Variants in B3GALT1 observed in about 807,000 individuals in gnomAD.
The protein encoded by B3GALT1 is UDP-Gal:betaGlcNAc beta 1,3-galactosyltransferase, polypeptide 1.
In B3GALT1, 10 loss-of-function variants were observed where a neutral mutation model predicts 23.2. The ratio of observed to expected loss-of-function variants is 0.43; its 90% CI spans 0.27 to 0.73. B3GALT1 has a LOEUF of 0.73. Among genes scored for constraint, B3GALT1 ranks in the 30% least tolerant of loss-of-function variants. B3GALT1 has a pLI of 0.21. For missense variants in B3GALT1, 299 were observed against 405.4 expected, an observed-to-expected ratio of 0.74 and a Z score of 2.25; for synonymous variants, 156 against 141.5, an observed-to-expected ratio of 1.10 and a Z score of -0.73.
At chr2:167,312,270 A>T (rs1696643214) in intron 1 of B3GALT1, among the ~76,000 whole-genome samples, 1 of 152,058 alleles carries the variant, frequency 6.6e-6, no homozygotes, top group Non-Finnish European at 1.5e-5. Context: ...ATTTGGTTTC[A>T]TAAAATAATA....
In B3GALT1 at chr2:167,842,532, T is replaced by C. The variant is rs148335443; in HGVS notation, c.-230+23739T>C. ...CACCTAGATTGCTAATAAGTTGTATTAAATATTTAACTGTATGTATAATTT... is the reference window on the plus strand; with the variant it reads ...CACCTAGATTGCTAATAAGTTGTATCAAATATTTAACTGTATGTATAATTT... On this transcript the variant is annotated intron_variant, in intron 4 of 4. Coordinates refer to ENST00000392690, the MANE Select transcript of B3GALT1 (RefSeq NM_020981.4). Among the ~76,000 whole-genome samples, 901 of 152,340 alleles carry C rather than the reference T, an allele frequency of 5.9e-3. 12 individuals carry two copies. Among genetic ancestry groups the C allele is most frequent in the Non-Finnish European group, 5.2e-3 (353 of 68,036 alleles).
chr2:167,448,844 G>A (rs1209152066), intron 1 of B3GALT1, among the ~76,000 whole-genome samples: 1 of 152,080 alleles, frequency 6.6e-6, no homozygotes, highest in East Asian at 1.9e-4. Flanking sequence ...AGGACCATTT[G>A]TTGAATAGGG....
chr2:167,696,192 G>T (rs1451603353), intron 3 of B3GALT1, among the ~76,000 whole-genome samples: 1 of 149,018 alleles, frequency 6.7e-6, no homozygotes. Context: ...ACATTCTGGA[G>T]TTGGACAGAG....
intron 2 of B3GALT1, among the ~76,000 whole-genome samples, chr2:167,595,990 C>G (rs929648961): frequency 1.3e-5 from 2 of 152,166 alleles, no homozygotes; most frequent in African/African-American, 4.8e-5. Flanking sequence ...TAGGAGCCTT[C>G]CTAGAAGAGA....
chr2:167,861,390 C>T (rs141648846), intron 4 of B3GALT1, among the ~76,000 whole-genome samples: 100 of 152,280 alleles, frequency 6.6e-4, no homozygotes, highest in African/African-American at 2.3e-3. Flanking sequence ...CAAACTAATA[C>T]AGTGGATAAC....
intron 3 of B3GALT1, among the ~76,000 whole-genome samples, chr2:167,663,544 C>A (rs1686111970): frequency 6.6e-6 from 1 of 151,772 alleles, no homozygotes; most frequent in South Asian, 2.1e-4. Flanking sequence ...ACACTGACTT[C>A]CACAATGGTT....
intron 1 of B3GALT1, among the ~76,000 whole-genome samples, chr2:167,369,073 G>GAAGATAAAAC (rs1158229790): frequency 2.1e-4 from 2 of 9,746 alleles, no homozygotes; most frequent in Non-Finnish European, 3.2e-3. Context: ...GTGTGTGTGT[G>GAAGATAAAAC]TGTGTGTGTG....
At chr2:167,470,977 T>C (rs561277976) in intron 1 of B3GALT1, among the ~76,000 whole-genome samples, 6 of 152,334 alleles carry the variant, frequency 3.9e-5, no homozygotes, top group Non-Finnish European at 7.3e-5. Context: ...GGCAGCCTAA[T>C]ATTTTGTTAT....
At chr2:167,626,274 A>G (rs977389211) in intron 2 of B3GALT1, among the ~76,000 whole-genome samples, 1 of 151,634 alleles carries the variant, frequency 6.6e-6, no homozygotes, top group Admixed American at 6.6e-5. Context: ...TGAAATCTCG[A>G]ATTCTAATCC....
intron 1 of B3GALT1, among the ~76,000 whole-genome samples, chr2:167,484,788 A>T (rs1479631399): frequency 6.6e-6 from 1 of 152,162 alleles, no homozygotes; most frequent in Non-Finnish European, 1.5e-5. Context: ...AAGAACTAGA[A>T]AGGGAAGGGG....
At chr2:167,581,738 G>T (rs923579886) in intron 2 of B3GALT1, among the ~76,000 whole-genome samples, 1 of 152,164 alleles carries the variant, frequency 6.6e-6, no homozygotes, top group Non-Finnish European at 1.5e-5. Flanking sequence ...TAATGCAGAG[G>T]CTGTTAAAAA....
chr2:167,459,634 C>G (rs1311635370), intron 1 of B3GALT1, among the ~76,000 whole-genome samples: 1 of 152,106 alleles, frequency 6.6e-6, no homozygotes, highest in Non-Finnish European at 1.5e-5. Flanking sequence ...AGTAGATTTA[C>G]AAGTCATTAT....
intron 3 of B3GALT1, among the ~76,000 whole-genome samples, chr2:167,809,035 C>T (rs993890108): frequency 2.6e-5 from 4 of 152,156 alleles, no homozygotes; most frequent in Non-Finnish European, 5.9e-5. Flanking sequence ...TCATTCATTT[C>T]GTCTTCCATC....
At position 167,636,102 on chromosome 2, in the gene B3GALT1, T is replaced by C. The variant is rs375476153; in HGVS notation, c.-409-10807T>C. 5.3e-5 allele frequency among the ~76,000 whole-genome samples: 8 copies of C among 151,694 alleles called. 1 individual carries two copies. Among genetic ancestry groups the C allele is most frequent in the South Asian group, 2.1e-4 (1 of 4,806 alleles). ...ACCTACCTCATCTTTTCTAAAGAGA[T>C]TAAAAAAGAAATTGAACTGAACTAA... On this transcript the variant is annotated intron_variant, in intron 2 of 4. Coordinates refer to ENST00000392690, the MANE Select transcript of B3GALT1 (RefSeq NM_020981.4).
intron 2 of B3GALT1, among the ~76,000 whole-genome samples, chr2:167,523,812 A>G (rs1431056521): frequency 6.6e-6 from 1 of 152,188 alleles, no homozygotes; most frequent in Non-Finnish European, 1.5e-5. Flanking sequence ...TGCTATTTGA[A>G]ATATAGTGAT....
At position 167,294,521 on chromosome 2, in the gene B3GALT1, T is replaced by C. The variant is rs139254287; in HGVS notation, c.-511+1187T>C. Among the ~76,000 whole-genome samples the C allele has an allele frequency of 7.2e-5, 11 of 152,358 alleles. No individual in the cohort carries two copies. The East Asian group carries it at 2.1e-3, about 29-fold the overall frequency. ...AATCTCCGTAGTTCAGTGCAGTGGG[T>C]TCTCCATCCCTGCTCAGGACGCACA... On this transcript the variant is annotated intron_variant, in intron 1 of 4. Transcript: ENST00000392690.
At chr2:167,857,971 A>C (rs1467926835) in intron 4 of B3GALT1, among the ~76,000 whole-genome samples, 1 of 152,180 alleles carries the variant, frequency 6.6e-6, no homozygotes, top group African/African-American at 2.4e-5. Context: ...TCACAAAATC[A>C]CAAAGTTATA....
intron 1 of B3GALT1, among the ~76,000 whole-genome samples, chr2:167,420,216 G>A (rs1025881919): frequency 6.6e-6 from 1 of 152,258 alleles, no homozygotes; most frequent in Non-Finnish European, 1.5e-5. Context: ...TGTGTCATCC[G>A]TAGTTTCAAA....
chr2:167,373,633 A>AAAATGAAG (rs1018010213), intron 1 of B3GALT1, among the ~76,000 whole-genome samples: 7 of 152,188 alleles, frequency 4.6e-5, no homozygotes, highest in African/African-American at 1.7e-4. Flanking sequence ...TTAGGGAAAC[A>AAAATGAAG]AAATGAAGAT....
Sources: gnomAD v4.1 joint callset for allele counts (sites outside exome capture counted in the v4.1 genomes callset) on GRCh38, gnomAD v4.1.1 for gene constraint, MANE v1.5 for transcripts, NCBI Gene and HGNC (gene_info 2026-07-23, HGNC 2026-07-21) for gene names.